The following TBC1D5 variants were observed in gnomAD, a reference collection of about 807,000 sequenced individuals.
The protein encoded by TBC1D5 is TBC1 domain family, member 5.
TBC1D5 carries 75 observed loss-of-function variants against 100.3 expected under a neutral mutation model. The ratio of observed to expected loss-of-function variants is 0.75; its 90% confidence interval spans 0.62 to 0.91. The LOEUF is 0.91. Ranked by LOEUF, TBC1D5 falls within the 40% of genes least tolerant of loss-of-function variation. The pLI is 0.00. For synonymous variants in TBC1D5, 323 were observed against 325.6 expected (o/e 0.99, Z 0.09); for missense variants, 910 against 942.4 (o/e 0.97, Z 0.45).
At position 17,599,646 on chromosome 3, in the gene TBC1D5, A is replaced by T. The variant is rs150471955; in HGVS notation, c.-36+24203T>A. Reference sequence around the variant, plus strand: ...CTGGTTAACACTTAGCCATCTACGGATGGCAACTGCAAAGACAGTATTAAT... The same window carrying T: ...CTGGTTAACACTTAGCCATCTACGGTTGGCAACTGCAAAGACAGTATTAAT... On this transcript the variant is annotated intron_variant, in intron 2 of 21. Transcript: ENST00000253692. Among the ~76,000 whole-genome samples, 637 of 152,268 alleles carry T rather than the reference A, an allele frequency of 4.2e-3. 1 individual carries two copies. The highest frequency in any genetic ancestry group is 6.8e-3 in the Middle Eastern group (2 of 294).
At chr3:17,596,700 C>CA (rs34625799) in intron 2 of TBC1D5, among the ~76,000 whole-genome samples, 2,801 of 43,862 alleles carry the variant, frequency 0.064, 83 homozygotes, top group South Asian at 0.14. Context: ...GACTCCATCT[C>CA]AAAAAAAAAA....
rs368021296 is a variant in TBC1D5, at chr3:17,459,716, T to A, written c.98-31197A>T. On this transcript the variant is annotated intron_variant, in intron 3 of 21. Transcript: ENST00000253692. ...AGTTCAGGGCCAGCCTGGGCAACAT[T>A]AGTGTAACCGATCTCTTAAAGGAAA... 3.3e-5 allele frequency among the ~76,000 whole-genome samples: 5 copies of A among 151,288 alleles called. No homozygotes were observed. The East Asian group carries it at 9.7e-4, about 29-fold the overall frequency.
chr3:17,444,400 AT>A (rs1332664269), intron 3 of TBC1D5, among the ~76,000 whole-genome samples: 1 of 152,064 alleles, frequency 6.6e-6, no homozygotes, highest in East Asian at 1.9e-4. Context: ...ATTGTATTAT[AT>A]GAGCATTTCT....
At position 17,161,075 on chromosome 3, in the gene TBC1D5, G is replaced by C; in HGVS notation, c.2276C>G (p.Ser759Ter). 6.2e-7 allele frequency: 1 copy of C among 1,614,234 alleles called. No homozygotes were observed. Among genetic ancestry groups the C allele is most frequent in the Admixed American group, 1.7e-5 (1 of 60,030 alleles). Residue 759 changes from serine (S) to a stop codon, truncating the protein, a stop_gained, in exon 22 of 22, where the codon TCA becomes TGA. Transcript: ENST00000253692. LOFTEE classifies it high-confidence loss of function. The stretch of plus-strand genomic sequence containing the variant: ...TGAGGCTGGGCCCATCAGTGGATCT[G>C]AGAACACCAGTGGGGAGCAGACTGG...
At chr3:17,373,405 G>T (rs1414125382) in intron 12 of TBC1D5, among the ~76,000 whole-genome samples, 1 of 152,100 alleles carries the variant, frequency 6.6e-6, no homozygotes, top group African/African-American at 2.4e-5. Context: ...ATTGCCAGAA[G>T]AATTTGTGAT....
chr3:17,408,941 A>T (rs1478515251), intron 4 of TBC1D5, among the ~76,000 whole-genome samples: 1 of 152,162 alleles, frequency 6.6e-6, no homozygotes, highest in African/African-American at 2.4e-5. Flanking sequence ...TACCTAAAAT[A>T]TTCTAAATAT....
intron 2 of TBC1D5, among the ~76,000 whole-genome samples, chr3:17,611,922 A>C (rs1560278512): frequency 6.6e-6 from 1 of 152,170 alleles, no homozygotes; most frequent in East Asian, 1.9e-4. Flanking sequence ...TTCAGGAACA[A>C]TGCAAGGATG....
intron 1 of TBC1D5, among the ~76,000 whole-genome samples, chr3:17,711,273 A>T (rs1267730282): frequency 1.3e-5 from 2 of 152,208 alleles, no homozygotes; most frequent in African/African-American, 4.8e-5. Flanking sequence ...TACTAAATTT[A>T]TGTATAAAAG....
At chr3:17,696,076 A>C in intron 1 of TBC1D5, among the ~76,000 whole-genome samples, 1 of 152,216 alleles carries the variant, frequency 6.6e-6, no homozygotes, top group East Asian at 1.9e-4. Flanking sequence ...AATGTACCAG[A>C]ATCTCTGGGA....
intron 13 of TBC1D5, among the ~76,000 whole-genome samples, chr3:17,329,487 G>T (rs1301830638): frequency 6.6e-6 from 1 of 151,694 alleles, no homozygotes; most frequent in African/African-American, 2.4e-5. Flanking sequence ...GTAACTATTG[G>T]TGGAAACACA....
At chr3:17,645,560 T>C (rs1256313364) in intron 1 of TBC1D5, among the ~76,000 whole-genome samples, 2 of 152,146 alleles carry the variant, frequency 1.3e-5, no homozygotes, top group Non-Finnish European at 2.9e-5. Context: ...ACTGTTTTTC[T>C]ACAATGGATG....
chr3:17,325,218 A>G (rs1354610932), intron 13 of TBC1D5, among the ~76,000 whole-genome samples: 1 of 151,820 alleles, frequency 6.6e-6, no homozygotes, highest in Non-Finnish European at 1.5e-5. Context: ...TCCAACTGGT[A>G]AAAGAATAAA....
chr3:17,530,735 C>T (rs950151356), intron 2 of TBC1D5, among the ~76,000 whole-genome samples: 5 of 152,152 alleles, frequency 3.3e-5, no homozygotes, highest in Admixed American at 1.3e-4. Context: ...ACAAAAACCA[C>T]ACGATTATCT....
intron 2 of TBC1D5, among the ~76,000 whole-genome samples, chr3:17,530,240 T>C (rs1164508900): frequency 8.0e-6 from 1 of 124,234 alleles, no homozygotes; most frequent in African/African-American, 3.4e-5. Flanking sequence ...CGAGACTTCG[T>C]CTCAAAAAAA....
At chr3:17,665,319 T>C (rs1269707384) in intron 1 of TBC1D5, among the ~76,000 whole-genome samples, 1 of 152,226 alleles carries the variant, frequency 6.6e-6, no homozygotes, top group African/African-American at 2.4e-5. Context: ...TGAAGTGTCT[T>C]TACTTTGACT....
At chr3:17,676,563 A>G (rs1243855979) in intron 1 of TBC1D5, among the ~76,000 whole-genome samples, 3 of 152,204 alleles carry the variant, frequency 2.0e-5, no homozygotes, top group Non-Finnish European at 4.4e-5. Flanking sequence ...TATCGTGAAA[A>G]TGGCCATACT....
rs1434280405 is a variant in TBC1D5, at chr3:17,184,281, G to A, written c.1852+828C>T. 2.0e-5 allele frequency among the ~76,000 whole-genome samples: 3 copies of A among 152,286 alleles called. No homozygotes were observed. In the East Asian group the frequency reaches 5.8e-4, roughly 29 times the overall value. Reference sequence around the variant, plus strand: ...GGACATTTCTTAGAATATAAGCACAGTCAGAAGTAAGAAAAGGTCATGCAT... The same window carrying A: ...GGACATTTCTTAGAATATAAGCACAATCAGAAGTAAGAAAAGGTCATGCAT... On this transcript the variant is annotated intron_variant, in intron 19 of 21. Coordinates refer to ENST00000253692, the Ensembl canonical transcript of TBC1D5.
intron 15 of TBC1D5, among the ~76,000 whole-genome samples, chr3:17,262,426 C>T (rs1489301164): frequency 6.6e-6 from 1 of 151,354 alleles, no homozygotes; most frequent in Non-Finnish European, 1.5e-5. Context: ...GTATTTTAAA[C>T]TCATTTTGAC....
At chr3:17,337,512 T>G (rs2088112811) in intron 13 of TBC1D5, 1 of 152,210 alleles carries the variant, frequency 6.6e-6, no homozygotes, top group Non-Finnish European at 1.5e-5. Context: ...AAACTGATGA[T>G]GAAGTTAACA....
Sources: allele counts gnomAD v4.1 joint callset (sites outside exome capture counted in the v4.1 genomes callset), GRCh38; gene constraint gnomAD v4.1.1; transcripts MANE v1.5; gene names NCBI Gene and HGNC (gene_info 2026-07-23, HGNC 2026-07-21).